Variants in ADHFE1 observed in about 807,000 individuals in gnomAD.
The protein encoded by ADHFE1 is alcohol dehydrogenase iron containing 1.
In ADHFE1, 37 loss-of-function variants were observed where a neutral mutation model predicts 54.8. That is an observed-to-expected ratio of 0.68 (90% CI 0.52 to 0.89). The LOEUF is 0.89. ADHFE1 is among the 40% of genes least tolerant of loss of function. The pLI is 0.00. For missense variants in ADHFE1, 601 were observed against 591.2 expected (o/e 1.02, Z -0.17); for synonymous variants, 203 against 229.3 (o/e 0.89, Z 1.04).
At chr8:66,461,330 G>A (rs1309747347) in intron 13 of ADHFE1, among the ~76,000 whole-genome samples, 2 of 152,112 alleles carry the variant, frequency 1.3e-5, no homozygotes, top group Non-Finnish European at 2.9e-5. Flanking sequence ...TCTGCCACAG[G>A]CTAAGGCATT....
rs147867739 is a variant in ADHFE1 at position 66,442,160 on chromosome 8, G to A, written c.98-638G>A. Among the ~76,000 whole-genome samples the A allele has an allele frequency of 2.1e-4, 32 of 152,188 alleles. 2 individuals carry two copies. The highest frequency in any genetic ancestry group is 7.2e-4 in the African/African-American group (30 of 41,520). On this transcript the variant is annotated intron_variant, in intron 2 of 13. Transcript: ENST00000396623. ...CTAATTCATGAACTTACTAATAGTT[G>A]TTCTGTAATAGTAACCCAACTCTAA... is the stretch of plus-strand genomic sequence containing the variant.
At chr8:66,453,625 C>T (rs7014306) in intron 9 of ADHFE1, 212,473 of 1,197,572 alleles carry the variant, frequency 0.18, 19,962 homozygotes, top group African/African-American at 0.22. Context: ...CCCAGTGGGT[C>T]CAGTGGGAGG....
intron 10 of ADHFE1, 80 bp from the exon 11 acceptor site, chr8:66,456,737 T>A: frequency 1.9e-6 from 2 of 1,056,344 alleles, no homozygotes; most frequent in Non-Finnish European, 2.9e-6. Context: ...GTGACAGGCA[T>A]CCCCATAAGA....
At chr8:66,454,708 T>C (rs1481112355) in intron 10 of ADHFE1, among the ~76,000 whole-genome samples, 1 of 151,836 alleles carries the variant, frequency 6.6e-6, no homozygotes, top group South Asian at 2.1e-4. Flanking sequence ...ACTTTTTTTC[T>C]TTTTCTTTTT....
At chr8:66,465,170 G>A (rs905323234) in intron 13 of ADHFE1, among the ~76,000 whole-genome samples, 32 of 152,138 alleles carry the variant, frequency 2.1e-4, no homozygotes, top group Admixed American at 9.8e-4. Context: ...ATAATGCTGC[G>A]ATGAATATTG....
At chr8:66,445,692 G>A (rs1805990994) in intron 6 of ADHFE1, among the ~76,000 whole-genome samples, 1 of 152,234 alleles carries the variant, frequency 6.6e-6, no homozygotes, top group East Asian at 1.9e-4. Context: ...GACATATGAT[G>A]AGATCCCTCT....
chr8:66,453,674 C>A (rs1335070586), intron 9 of ADHFE1: 1 of 1,365,638 alleles, frequency 7.3e-7, no homozygotes, highest in Non-Finnish European at 9.8e-7. Flanking sequence ...CGGCAGGTAG[C>A]CCCGGGCATC....
intron 1 of ADHFE1, among the ~76,000 whole-genome samples, chr8:66,437,472 C>G (rs1279345211): frequency 6.6e-6 from 1 of 152,166 alleles, no homozygotes; most frequent in Non-Finnish European, 1.5e-5. Context: ...CTCTGCTTCT[C>G]TGAAGGAGCC....
chr8:66,449,845 A>C (rs1348541980), intron 8 of ADHFE1, among the ~76,000 whole-genome samples: 2 of 152,230 alleles, frequency 1.3e-5, no homozygotes, highest in Non-Finnish European at 2.9e-5. Flanking sequence ...CAGGCTGGGC[A>C]CAGTGGCTCA....
At chr8:66,443,772 A>G (rs1209617532) in intron 3 of ADHFE1, among the ~76,000 whole-genome samples, 3 of 152,196 alleles carry the variant, frequency 2.0e-5, no homozygotes, top group Non-Finnish European at 4.4e-5. Flanking sequence ...AGTGAAATTC[A>G]GATGGTCTTA....
chr8:66,447,379 C>T (rs1806084835), intron 7 of ADHFE1, 38 bp downstream of exon 7: 1 of 1,415,010 alleles, frequency 7.1e-7, no homozygotes, highest in South Asian at 1.2e-5. Context: ...CCTTACCTTT[C>T]AACTCCACAC....
At chr8:66,466,757 A>G (rs1049064986) in intron 13 of ADHFE1, among the ~76,000 whole-genome samples, 1 of 152,228 alleles carries the variant, frequency 6.6e-6, no homozygotes, top group African/African-American at 2.4e-5. Flanking sequence ...TCACGGGGAA[A>G]GTGTGGAGAG....
At position 66,437,756 on chromosome 8, in the gene ADHFE1, C is replaced by G. The variant is rs1586433560; in HGVS notation, c.60-2406C>G. ...GATCCTGCCTGGGCATCACTAAATT[C>G]ACAGTCCACAGGCAGAAAGAAGCAG... On this transcript the variant is annotated intron_variant, in intron 1 of 13. Transcript: ENST00000396623. Among the ~76,000 whole-genome samples, 5 of 152,162 alleles carry G rather than the reference C, an allele frequency of 3.3e-5. 1 individual carries two copies. In the East Asian group the frequency reaches 9.6e-4, roughly 29 times the overall value.
Position 66,439,055 on chromosome 8 carries a change from C to T in ADHFE1, c.60-1107C>T, listed in dbSNP as rs1248795568. Among the ~76,000 whole-genome samples, 1 of 150,734 alleles carries T rather than the reference C, an allele frequency of 6.6e-6. No homozygotes were observed. The highest frequency in any genetic ancestry group is 1.5e-5 in the Non-Finnish European group (1 of 67,230). On this transcript the variant is annotated intron_variant, in intron 1 of 13. Coordinates refer to ENST00000396623, the MANE Select transcript of ADHFE1 (RefSeq NM_144650.3). This position sits in a 1 kb window ranked among gnomAD's most constrained non-coding sequence, Gnocchi z 4.4. Reference sequence around the variant, plus strand: ...GAAGGGACAAGCCTGGCCTGGCCCGCGTCCTCTCCCCCGGCGCGCGCGTCG... The same window carrying T: ...GAAGGGACAAGCCTGGCCTGGCCCGTGTCCTCTCCCCCGGCGCGCGCGTCG...
At chr8:66,437,381 G>A (rs953572445) in intron 1 of ADHFE1, among the ~76,000 whole-genome samples, 1 of 152,082 alleles carries the variant, frequency 6.6e-6, no homozygotes, top group Non-Finnish European at 1.5e-5. Flanking sequence ...GAGGTAATCA[G>A]TGATGTCAGC....
At position 66,442,837 on chromosome 8, in the gene ADHFE1, C is replaced by T. The variant is rs1174316024; in HGVS notation, c.137C>T (p.Ala46Val). ...CCTTCTGGGAAAACAACAGATTATGCCTTTGAGGTATATTCACTCAATCCA... is the reference window on the plus strand; with the variant it reads ...CCTTCTGGGAAAACAACAGATTATGTCTTTGAGGTATATTCACTCAATCCA... ...LSPSGKTTDY[A>V]FEMAVSNIRY... Residue 46 changes from alanine to valine, a missense_variant, in exon 3 of 14, where the codon GCC becomes GTC. By Grantham distance (64) the Ala-to-Val change is moderately conservative. Coordinates refer to ENST00000396623, the MANE Select transcript of ADHFE1 (RefSeq NM_144650.3). 1.3e-6 allele frequency: 2 copies of T among 1,591,786 alleles called. No individual in the cohort carries two copies. Among genetic ancestry groups the T allele is most frequent in the Admixed American group, 1.8e-5 (1 of 54,082 alleles).
chr8:66,448,429 T>A (rs1041429058), intron 7 of ADHFE1, among the ~76,000 whole-genome samples: 1 of 152,228 alleles, frequency 6.6e-6, no homozygotes, highest in Non-Finnish European at 1.5e-5. Flanking sequence ...TATAGTCTAA[T>A]CTTACAGAGA....
At chr8:66,457,031 T>C in intron 11 of ADHFE1, 39 bp from the exon 12 acceptor site, 1 of 1,597,636 alleles carries the variant, frequency 6.3e-7, no homozygotes. Context: ...GAAGAACAGC[T>C]TTGTCATCTG....
chr8:66,444,994 G>C (rs1805952020), intron 5 of ADHFE1, among the ~76,000 whole-genome samples: 1 of 152,060 alleles, frequency 6.6e-6, no homozygotes, highest in Non-Finnish European at 1.5e-5. Flanking sequence ...CCAGCTACTT[G>C]GGAAGCTGAG....
Sources: allele counts gnomAD v4.1 joint callset (sites outside exome capture counted in the v4.1 genomes callset), GRCh38; gene constraint gnomAD v4.1.1; non-coding constraint Gnocchi (gnomAD v3.1); transcripts MANE v1.5; gene names NCBI Gene and HGNC (gene_info 2026-07-23, HGNC 2026-07-21).